MED13L: variants seen among roughly 807,000 people sequenced by gnomAD.
MED13L encodes mediator of RNA polymerase II transcription subunit 13-like.
A neutral mutation model predicts 220.9 loss-of-function variants in MED13L; 7 were observed. The ratio of observed to expected loss-of-function variants is 0.03; its 90% CI spans 0.02 to 0.06. The LOEUF (loss-of-function observed/expected upper bound fraction) is 0.06, where lower values mean the gene tolerates loss of function less well. Ranked by LOEUF, MED13L falls within the 10% of genes least tolerant of loss-of-function variation. The pLI, the probability that MED13L is intolerant of heterozygous loss-of-function variation, is 1.00. For missense variants in MED13L, 1,965 were observed against 2,760.5 expected (o/e 0.71, Z 6.46); for synonymous variants, 1,011 against 1,015.2 (o/e 1.00, Z 0.08).
At chr12:116,105,162 T>C (rs146242990) in intron 3 of MED13L, among the ~76,000 whole-genome samples, 214 of 152,344 alleles carry the variant, frequency 1.4e-3, no homozygotes, top group African/African-American at 5.0e-3. Flanking sequence ...CGTCTATTGA[T>C]AGCCAAAGTA....
Position 115,991,478 on chromosome 12 carries a change from C to T in MED13L, c.3476G>A (p.Arg1159His). The stretch of plus-strand genomic sequence containing the variant: ...AATCGCACTAAACCCACAGGTACAG[C>T]GGTACTGGTCCTCATTGGAAGAATC... ...IPDSSNEDQY[R>H]CTCGFSAIMN... is the part of the protein sequence containing the mutation. Residue 1159 changes from arginine (R) to histidine (H), a missense_variant, in exon 17 of 31, where the codon CGC (arginine) becomes CAC (histidine). Transcript: ENST00000281928. This position sits in a 1 kb window ranked among gnomAD's most constrained non-coding sequence, Gnocchi z 7.7. The T allele has an allele frequency of 1.9e-6, 3 of 1,614,126 alleles. No individual in the cohort carries two copies. Among genetic ancestry groups the T allele is most frequent in the Non-Finnish European group, 2.5e-6 (3 of 1,180,028 alleles).
intron 28 of MED13L, among the ~76,000 whole-genome samples, chr12:115,967,758 C>T (rs993762986): frequency 1.9e-4 from 29 of 152,186 alleles, no homozygotes; most frequent in Admixed American, 1.9e-3. Flanking sequence ...TGCTATGCTA[C>T]TTGCCTCCAG....
intron 1 of MED13L, chr12:116,276,363 G>C: frequency 1.3e-6 from 1 of 761,360 alleles, no homozygotes; most frequent in Non-Finnish European, 1.9e-6. Context: ...CGGATTCGTT[G>C]TTAGGATAGA....
At chr12:116,163,310 T>A (rs1279523947) in intron 2 of MED13L, among the ~76,000 whole-genome samples, 1 of 151,892 alleles carries the variant, frequency 6.6e-6, no homozygotes, top group East Asian at 1.9e-4. Flanking sequence ...ATTAAATATA[T>A]ATCTTTATAT....
intron 2 of MED13L, among the ~76,000 whole-genome samples, chr12:116,135,858 G>A (rs975502340): frequency 6.6e-5 from 10 of 151,734 alleles, no homozygotes; most frequent in African/African-American, 2.4e-4. Flanking sequence ...AGTATACACA[G>A]AAGCCACTGT....
Position 116,251,884 on chromosome 12 carries a change from A to C in MED13L, c.73-14179T>G, listed in dbSNP as rs372135328. 1.4e-4 allele frequency among the ~76,000 whole-genome samples: 22 copies of C among 152,144 alleles called. No homozygotes were observed. The South Asian group carries it at 4.6e-3, about 32-fold the overall frequency. ...AGATATACTGTGCAAATTATGAGAG[A>C]GCTAAAGGGGCAACATTAATATCAA... On this transcript the variant is annotated intron_variant, in intron 1 of 30. Coordinates refer to ENST00000281928, the MANE Select transcript of MED13L (RefSeq NM_015335.5).
In MED13L at chr12:116,255,392, T is replaced by C. The variant is rs1021416194; in HGVS notation, c.73-17687A>G. Among the ~76,000 whole-genome samples, 5 of 152,242 alleles carry C rather than the reference T, an allele frequency of 3.3e-5. No homozygotes were observed. In the South Asian group the frequency reaches 6.2e-4, roughly 19 times the overall value. ...ATTAACTTAAAATAAGTTACTGGAT[T>C]GCAAGCCTAAACCTAATTAACTAAT... On this transcript the variant is annotated intron_variant, in intron 1 of 30. Coordinates refer to ENST00000281928, the MANE Select transcript of MED13L (RefSeq NM_015335.5).
intron 1 of MED13L, among the ~76,000 whole-genome samples, chr12:116,257,375 G>C (rs942751238): frequency 6.6e-6 from 1 of 152,218 alleles, no homozygotes; most frequent in African/African-American, 2.4e-5. Flanking sequence ...CCTCCCTGCA[G>C]TTAAGTAAGG....
chr12:116,225,494 A>C (rs1868887524), intron 2 of MED13L, among the ~76,000 whole-genome samples: 1 of 152,204 alleles, frequency 6.6e-6, no homozygotes, highest in Non-Finnish European at 1.5e-5. Context: ...TACCTCCCTA[A>C]ACAATCAGAG....
rs1265331168 is a variant in MED13L, at chr12:116,111,344, G to GT, written c.395+83dup. 2.4e-5 allele frequency: 27 copies of GT among 1,108,552 alleles called. 1 individual carries two copies. Among genetic ancestry groups the GT allele is most frequent in the Non-Finnish European group, 3.6e-5 (26 of 727,908 alleles). 68.7% of individuals were successfully genotyped at this position (1,108,552 alleles called of 1,614,324 possible). ...AGCAATAAATCATTGCAAGTGAAAAGTTTTTGAAAATTACAGGAAACTCTC... is the reference window on the plus strand; with the variant it reads ...AGCAATAAATCATTGCAAGTGAAAAGTTTTTTGAAAATTACAGGAAACTCTC... On this transcript the variant is annotated intron_variant, in intron 3 of 30. Transcript: ENST00000281928.
chr12:116,046,534 T>A (rs1304191840), intron 4 of MED13L, among the ~76,000 whole-genome samples: 4 of 152,188 alleles, frequency 2.6e-5, no homozygotes, highest in Non-Finnish European at 4.4e-5. Flanking sequence ...AATATAGCAG[T>A]AAAACATAAA....
At chr12:116,125,196 C>T (rs1177676042) in intron 2 of MED13L, among the ~76,000 whole-genome samples, 2 of 152,108 alleles carry the variant, frequency 1.3e-5, no homozygotes, top group Admixed American at 6.5e-5. Flanking sequence ...TGTAGCCAGG[C>T]AATGTGGCAG....
At chr12:116,177,631 T>C (rs1464768078) in intron 2 of MED13L, among the ~76,000 whole-genome samples, 2 of 152,212 alleles carry the variant, frequency 1.3e-5, no homozygotes, top group East Asian at 1.9e-4. Context: ...TACCTAATCA[T>C]ACTATTCTTA....
intron 7 of MED13L, among the ~76,000 whole-genome samples, chr12:116,016,414 A>G (rs995388425): frequency 9.2e-5 from 14 of 152,218 alleles, no homozygotes; most frequent in African/African-American, 3.4e-4. Flanking sequence ...CTACATTTTA[A>G]AAGTTCCCAA....
At chr12:116,161,586 C>T (rs987693589) in intron 2 of MED13L, among the ~76,000 whole-genome samples, 6 of 152,080 alleles carry the variant, frequency 3.9e-5, no homozygotes, top group Admixed American at 1.3e-4. Context: ...GGCCTCTCCC[C>T]GTCAAAGTGA....
intron 4 of MED13L, among the ~76,000 whole-genome samples, chr12:116,081,458 T>C (rs989348704): frequency 6.6e-6 from 1 of 152,208 alleles, no homozygotes; most frequent in Admixed American, 6.5e-5. Flanking sequence ...AATGTATGTA[T>C]AAGAATACAT....
chr12:116,028,540 C>T (rs1269337771), intron 4 of MED13L, among the ~76,000 whole-genome samples: 1 of 152,236 alleles, frequency 6.6e-6, no homozygotes, highest in Non-Finnish European at 1.5e-5. Context: ...GTGTTTAGTA[C>T]ATCCAAGATT....
chr12:116,205,526 G>A (rs1472245793), intron 2 of MED13L, among the ~76,000 whole-genome samples: 29 of 89,392 alleles, frequency 3.2e-4, no homozygotes, highest in South Asian at 7.8e-4. Flanking sequence ...AAAAAACAAA[G>A]GAAGAGAAAA....
chr12:116,049,379 C>T (rs1260410519), intron 4 of MED13L, among the ~76,000 whole-genome samples: 1 of 152,138 alleles, frequency 6.6e-6, no homozygotes, highest in African/African-American at 2.4e-5. Flanking sequence ...AGCCAAAACA[C>T]CCCCACAACA....
Sources: gnomAD v4.1 joint callset for allele counts (sites outside exome capture counted in the v4.1 genomes callset) on GRCh38, gnomAD v4.1.1 for gene constraint, Gnocchi (gnomAD v3.1) non-coding constraint, MANE v1.5 for transcripts, NCBI Gene and HGNC (gene_info 2026-07-23, HGNC 2026-07-21) for gene names.